Variants in NTM observed in about 807,000 individuals in gnomAD.
The protein encoded by NTM is neurotrimin.
A neutral mutation model predicts 42.1 loss-of-function variants in NTM; 13 were observed. That is an observed-to-expected ratio of 0.31 (90% CI 0.20 to 0.49). The LOEUF is 0.49. Ranked by LOEUF, NTM falls within the 20% of genes least tolerant of loss-of-function variation. The probability of loss-of-function intolerance (pLI) is 0.99; values close to 1 mark genes in which losing one functional copy is unlikely to be tolerated. For synonymous variants in NTM, 187 were observed against 179.2 expected (o/e 1.04, Z -0.35); for missense variants, 373 against 452.8 (o/e 0.82, Z 1.60).
chr11:131,390,967 CT>C (rs1339260099), intron 1 of NTM, among the ~76,000 whole-genome samples: 1 of 152,166 alleles, frequency 6.6e-6, no homozygotes, highest in Admixed American at 6.5e-5. Flanking sequence ...TGTGTGTGAA[CT>C]ACTACGCCCA....
chr11:131,876,860 CTT>C (rs112400063), intron 1 of NTM, among the ~76,000 whole-genome samples: 18 of 143,438 alleles, frequency 1.3e-4, no homozygotes, highest in East Asian at 4.0e-4. Flanking sequence ...CAAAGCATAA[CTT>C]TTTTTTTTTT....
intron 2 of NTM, among the ~76,000 whole-genome samples, chr11:132,076,753 A>T (rs184192242): frequency 0.014 from 2,070 of 152,298 alleles, 26 homozygotes; most frequent in Non-Finnish European, 0.021. Flanking sequence ...TAAAATAATT[A>T]ATATCAATAC....
chr11:131,504,381 C>T (rs936021178), intron 1 of NTM, among the ~76,000 whole-genome samples: 6 of 152,162 alleles, frequency 3.9e-5, no homozygotes, highest in African/African-American at 1.4e-4. Flanking sequence ...CCCCCACCTG[C>T]CATAAATCAG....
intron 8 of NTM, among the ~76,000 whole-genome samples, 156 bp downstream of exon 8, chr11:132,330,341 A>T (rs2095779065): frequency 6.6e-6 from 1 of 152,150 alleles, no homozygotes; most frequent in African/African-American, 2.4e-5. Flanking sequence ...GTCAATTTAG[A>T]TTAACCCCAT....
intron 1 of NTM, among the ~76,000 whole-genome samples, chr11:131,635,672 T>G (rs2064277704): frequency 6.6e-6 from 1 of 152,192 alleles, no homozygotes; most frequent in Admixed American, 6.5e-5. Flanking sequence ...TATTTAATTT[T>G]TATTAATTTA....
At chr11:132,025,402 C>G (rs1472926048) in intron 2 of NTM, among the ~76,000 whole-genome samples, 2 of 152,186 alleles carry the variant, frequency 1.3e-5, no homozygotes, top group African/African-American at 4.8e-5. Flanking sequence ...CTTTTATCTG[C>G]ACCTAAAACC....
chr11:131,923,013 T>C (rs2057441206), intron 2 of NTM, among the ~76,000 whole-genome samples: 1 of 152,066 alleles, frequency 6.6e-6, no homozygotes, highest in Non-Finnish European at 1.5e-5. Flanking sequence ...TATAAACTTA[T>C]GGGCCTAGAC....
chr11:131,567,302 C>G (rs150478769), intron 1 of NTM, among the ~76,000 whole-genome samples: 4 of 152,090 alleles, frequency 2.6e-5, no homozygotes, highest in African/African-American at 9.7e-5. Context: ...GCCTGGCCAA[C>G]ATGGTGAAAC....
At position 132,240,067 on chromosome 11, in the gene NTM, G is replaced by GTCCA. The variant is rs547649451; in HGVS notation, c.526+27945_526+27948dup. On this transcript the variant is annotated intron_variant, in intron 4 of 8. Transcript: ENST00000683400. ...CGTCCATCCCTCCATCCCTCCATCC[G>GTCCA]TCCATCCATCCATCCATCCATCCAT... Among the ~76,000 whole-genome samples, 333 of 91,158 alleles carry GTCCA rather than the reference G, an allele frequency of 3.7e-3. 2 individuals carry two copies. Among genetic ancestry groups the GTCCA allele is most frequent in the Admixed American group, 8.3e-3 (67 of 8,034 alleles). 59.8% of individuals were successfully genotyped at this position (91,158 alleles called of 152,430 possible).
rs866434183 is a variant in NTM at position 131,789,476 on chromosome 11, A to G, written c.83-122088A>G. ...GAAGAAGAAGAAGAAGAAGAAGAAG[A>G]AGAAGAAGAAGAAGAGGAAAGAAGA... On this transcript the variant is annotated intron_variant, in intron 1 of 8. Coordinates refer to ENST00000683400, the MANE Select transcript of NTM (RefSeq NM_001352005.2). 5.5e-4 allele frequency among the ~76,000 whole-genome samples: 7 copies of G among 12,630 alleles called. 1 individual carries two copies. Among genetic ancestry groups the G allele is most frequent in the African/African-American group, 8.7e-4 (3 of 3,458 alleles). 8.3% of individuals were successfully genotyped at this position (12,630 alleles called of 152,430 possible).
chr11:131,735,424 T>C (rs1424559979), intron 1 of NTM, among the ~76,000 whole-genome samples: 7 of 152,214 alleles, frequency 4.6e-5, no homozygotes, highest in African/African-American at 7.2e-5. Context: ...ATCCAAAATA[T>C]GCAATAGAGA....
chr11:132,323,277 C>T lies in NTM; in HGVS notation c.935-6876C>T, dbSNP rs748168907. On this transcript the variant is annotated intron_variant, in intron 7 of 8. Coordinates refer to ENST00000683400, the MANE Select transcript of NTM (RefSeq NM_001352005.2). ...GAAAGGATCAACAAAATTGATAGAC[C>T]GCTAGCAAGACTAATAAAGAAAAAA... 3.3e-3 allele frequency among the ~76,000 whole-genome samples: 504 copies of T among 151,556 alleles called. 2 individuals carry two copies. The highest frequency in any genetic ancestry group is 7.6e-3 in the East Asian group (39 of 5,162).
intron 2 of NTM, among the ~76,000 whole-genome samples, chr11:131,993,012 A>G (rs1209072775): frequency 1.3e-5 from 2 of 152,210 alleles, no homozygotes; most frequent in East Asian, 1.9e-4. Flanking sequence ...CCCACTAAGT[A>G]TTCTGATTTG....
chr11:131,587,313 T>C (rs1324204310), intron 1 of NTM, among the ~76,000 whole-genome samples: 2 of 152,078 alleles, frequency 1.3e-5, no homozygotes, highest in Non-Finnish European at 2.9e-5. Context: ...CCAGGCATGG[T>C]GGCAGGTGCC....
chr11:131,666,172 A>G (rs539838918), intron 1 of NTM, among the ~76,000 whole-genome samples: 1 of 152,068 alleles, frequency 6.6e-6, no homozygotes, highest in African/African-American at 2.4e-5. Flanking sequence ...TCCTCAACCC[A>G]TGGTCAAGTG....
At chr11:131,691,377 C>T (rs1325104884) in intron 1 of NTM, among the ~76,000 whole-genome samples, 2 of 152,200 alleles carry the variant, frequency 1.3e-5, no homozygotes, top group South Asian at 2.1e-4. Context: ...CTTCGGCGGC[C>T]GCTCCTTTTC....
At chr11:132,053,749 G>T (rs74411839) in intron 2 of NTM, among the ~76,000 whole-genome samples, 6,346 of 152,298 alleles carry the variant, frequency 0.042, 245 homozygotes, top group African/African-American at 0.099. Context: ...TCCATCTTGT[G>T]TGATGAATCC....
At chr11:131,830,962 T>C (rs2042745275) in intron 1 of NTM, among the ~76,000 whole-genome samples, 1 of 152,200 alleles carries the variant, frequency 6.6e-6, no homozygotes, top group Admixed American at 6.5e-5. Flanking sequence ...ATTCTTGACT[T>C]GGCTCTCAGC....
intron 2 of NTM, among the ~76,000 whole-genome samples, chr11:132,105,163 G>T (rs906190974): frequency 6.6e-6 from 1 of 150,764 alleles, no homozygotes; most frequent in Admixed American, 6.6e-5. Flanking sequence ...GTGGGTGGAA[G>T]GATTCACCCA....
Sources: gnomAD v4.1 joint callset for allele counts (sites outside exome capture counted in the v4.1 genomes callset) on GRCh38, gnomAD v4.1.1 for gene constraint, MANE v1.5 for transcripts, NCBI Gene and HGNC (gene_info 2026-07-23, HGNC 2026-07-21) for gene names.